The following LGSN variants were observed in gnomAD, a reference collection of about 807,000 sequenced individuals.
LGSN encodes the protein lengsin.
LGSN carries 21 observed loss-of-function variants against 19.5 expected under a neutral mutation model. The ratio of observed to expected loss-of-function variants is 1.07; its 90% CI spans 0.76 to 1.55. LGSN has a LOEUF of 1.55. LGSN is among the 40% of genes most tolerant of loss of function. LGSN has a pLI of 0.00. For synonymous variants in LGSN, 257 were observed against 215.6 expected (o/e 1.19, Z -1.68); for missense variants, 673 against 608.5 (o/e 1.11, Z -1.12).
chr6:63,474,093 A>T, the LGSN span, among the ~76,000 whole-genome samples: 13,662 of 152,144 alleles, frequency 0.09, 659 homozygotes, highest in East Asian at 0.17. Flanking sequence ...ACATGGGAGA[A>T]CTTGGCCCAT....
chr6:63,410,469 A>C, the LGSN span, among the ~76,000 whole-genome samples: 3 of 152,234 alleles, frequency 2.0e-5, no homozygotes, highest in Non-Finnish European at 4.4e-5. Flanking sequence ...ATTTAGCAGC[A>C]GAAACTTTTT....
At chr6:63,507,564 A>G in the LGSN span, among the ~76,000 whole-genome samples, 1 of 152,182 alleles carries the variant, frequency 6.6e-6, no homozygotes, top group Non-Finnish European at 1.5e-5. Flanking sequence ...AACAGTTTCT[A>G]TTAGAATCCA....
At chr6:63,486,925 T>C in the LGSN span, among the ~76,000 whole-genome samples, 1 of 151,846 alleles carries the variant, frequency 6.6e-6, no homozygotes, top group Non-Finnish European at 1.5e-5. Flanking sequence ...AACCTCCACC[T>C]CCCGGGTTCC....
chr6:63,494,761 T>G, the LGSN span, among the ~76,000 whole-genome samples: 2 of 152,218 alleles, frequency 1.3e-5, no homozygotes, highest in African/African-American at 4.8e-5. Context: ...TAGGCAAAAC[T>G]TTTACCTTGC....
chr6:63,565,371 A>C, the LGSN span, among the ~76,000 whole-genome samples: 1 of 152,122 alleles, frequency 6.6e-6, no homozygotes, highest in East Asian at 1.9e-4. Flanking sequence ...AATTGATTAC[A>C]ATTAGACATG....
the LGSN span, among the ~76,000 whole-genome samples, chr6:63,446,353 T>A: frequency 6.6e-6 from 1 of 151,616 alleles, no homozygotes; most frequent in African/African-American, 2.4e-5. Context: ...CTTCTCACAG[T>A]TTCTCAAACA....
At chr6:63,473,460 C>T in the LGSN span, among the ~76,000 whole-genome samples, 969 of 117,228 alleles carry the variant, frequency 8.3e-3, 3 homozygotes, top group East Asian at 0.019. Flanking sequence ...GGTAACAGAG[C>T]GACACTCTGT....
chr6:63,527,521 C>G, the LGSN span, among the ~76,000 whole-genome samples: 1 of 152,096 alleles, frequency 6.6e-6, no homozygotes, highest in African/African-American at 2.4e-5. Flanking sequence ...ATCTAATGTG[C>G]TTTATACTGT....
At chr6:63,412,775 GGAAGGGAA>G in the LGSN span, among the ~76,000 whole-genome samples, 1 of 105,326 alleles carries the variant, frequency 9.5e-6, no homozygotes, top group Admixed American at 1.1e-4. Flanking sequence ...AAGAAAGGAA[GGAAGGGAA>G]GGAAGGAAAG....
At chr6:63,295,234 T>C (rs2127388210) in intron 1 of LGSN, among the ~76,000 whole-genome samples, 189 bp from the exon 2 acceptor site, 1 of 152,354 alleles carries the variant, frequency 6.6e-6, no homozygotes, top group Middle Eastern at 3.4e-3. Context: ...GTTGTGCTGA[T>C]AGGCCAGATA....
chr6:63,555,126 T>C, the LGSN span, among the ~76,000 whole-genome samples: 1 of 152,192 alleles, frequency 6.6e-6, no homozygotes, highest in Non-Finnish European at 1.5e-5. Context: ...TGTTCATTTC[T>C]GGTAATATAA....
chr6:63,405,822 A>G, the LGSN span, among the ~76,000 whole-genome samples: 3 of 152,322 alleles, frequency 2.0e-5, no homozygotes, highest in Admixed American at 6.5e-5. Context: ...AAATAAAAGG[A>G]GGGAGGAAGA....
At chr6:63,540,722 C>A in the LGSN span, among the ~76,000 whole-genome samples, 1 of 151,794 alleles carries the variant, frequency 6.6e-6, no homozygotes, top group African/African-American at 2.4e-5. Flanking sequence ...GCACACAAAA[C>A]AGGATGCATA....
chr6:63,317,943 C>T (rs140535051), intron 1 of LGSN, among the ~76,000 whole-genome samples: 456 of 152,292 alleles, frequency 3.0e-3, no homozygotes, highest in African/African-American at 0.011. Flanking sequence ...GCACCACACA[C>T]AAGGTTCTTG....
At chr6:63,303,930 A>G (rs1768277728) in intron 1 of LGSN, among the ~76,000 whole-genome samples, 2 of 152,326 alleles carry the variant, frequency 1.3e-5, no homozygotes, top group South Asian at 4.1e-4. Flanking sequence ...GGCATCCTAG[A>G]CATAGAAAGC....
chr6:63,478,057 T>C, the LGSN span, among the ~76,000 whole-genome samples: 13 of 152,234 alleles, frequency 8.5e-5, no homozygotes, highest in African/African-American at 3.1e-4. Flanking sequence ...ACTGAACTTA[T>C]ATCAAGGGAA....
chr6:63,317,001 A>G (rs1201401737), intron 1 of LGSN, among the ~76,000 whole-genome samples: 1 of 152,140 alleles, frequency 6.6e-6, no homozygotes, highest in African/African-American at 2.4e-5. Flanking sequence ...ATTGTGCCTT[A>G]GGAAAGCCTT....
the LGSN span, among the ~76,000 whole-genome samples, chr6:63,432,117 GAAA>G: frequency 4.3e-5 from 4 of 92,856 alleles, no homozygotes; most frequent in Non-Finnish European, 2.2e-5. Context: ...AAGAAAGAAA[GAAA>G]GAAAGAAAGA....
chr6:63,408,973 C>G, the LGSN span, among the ~76,000 whole-genome samples: 1 of 152,168 alleles, frequency 6.6e-6, no homozygotes, highest in Admixed American at 6.5e-5. Context: ...TGCAGTAGTG[C>G]AATTATAGCT....
Sources: allele counts gnomAD v4.1 joint callset (sites outside exome capture counted in the v4.1 genomes callset), GRCh38; gene constraint gnomAD v4.1.1; transcripts MANE v1.5; gene names NCBI Gene and HGNC (gene_info 2026-07-23, HGNC 2026-07-21).